Variants in KIF26B observed in about 807,000 individuals in gnomAD.
KIF26B encodes the protein kinesin-like protein KIF26B.
Under a neutral mutation model 151.2 loss-of-function variants are expected in KIF26B, and 63 were observed. The observed-to-expected ratio is 0.42, with a 90% CI of 0.34 to 0.51. KIF26B has a LOEUF of 0.51. Among genes scored for constraint, KIF26B ranks in the 20% least tolerant of loss-of-function variants. The probability of loss-of-function intolerance (pLI) is 0.07; values close to 1 mark genes in which losing one functional copy is unlikely to be tolerated. For synonymous variants in KIF26B, 1,357 were observed against 1,262.1 expected (o/e 1.08, Z -1.59); for missense variants, 2,813 against 2,913.6 (o/e 0.97, Z 0.79).
chr1:245,353,447 G>A (rs181376422), intron 2 of KIF26B, among the ~76,000 whole-genome samples: 11 of 152,298 alleles, frequency 7.2e-5, no homozygotes, highest in East Asian at 1.9e-4. Context: ...GTGGAGGGGC[G>A]GTAGGGGTGG....
At chr1:245,413,236 T>C (rs1674330559) in intron 3 of KIF26B, among the ~76,000 whole-genome samples, 1 of 152,220 alleles carries the variant, frequency 6.6e-6, no homozygotes, top group African/African-American at 2.4e-5. Context: ...ACTAGCACTG[T>C]AGGGTTTTCA....
intron 10 of KIF26B, among the ~76,000 whole-genome samples, chr1:245,675,441 T>C (rs2044346773): frequency 6.6e-6 from 1 of 152,150 alleles, no homozygotes; most frequent in Non-Finnish European, 1.5e-5. Flanking sequence ...TAAGATCTTA[T>C]GTGGCCAACC....
chr1:245,392,650 T>C (rs563798987), intron 3 of KIF26B, among the ~76,000 whole-genome samples: 188 of 152,290 alleles, frequency 1.2e-3, no homozygotes, highest in African/African-American at 4.5e-3. Flanking sequence ...TGCCCGTTCC[T>C]CTCCTGAAGC....
At chr1:245,376,390 T>C (rs1390259695) in intron 3 of KIF26B, among the ~76,000 whole-genome samples, 3 of 151,954 alleles carry the variant, frequency 2.0e-5, no homozygotes, top group Admixed American at 6.6e-5. Flanking sequence ...GAATTCTCAA[T>C]TTTGGCTTCA....
At chr1:245,614,215 C>A (rs1190344758) in intron 9 of KIF26B, among the ~76,000 whole-genome samples, 1 of 152,186 alleles carries the variant, frequency 6.6e-6, no homozygotes, top group African/African-American at 2.4e-5. Flanking sequence ...CACTCTGTTG[C>A]CCAGGCTGGA....
At chr1:245,361,870 A>G (rs1456697956) in intron 2 of KIF26B, among the ~76,000 whole-genome samples, 1 of 151,962 alleles carries the variant, frequency 6.6e-6, no homozygotes, top group Non-Finnish European at 1.5e-5. Context: ...TGGGGACTTT[A>G]GTCCATGCAC....
At chr1:245,209,399 T>TA (rs1273812241) in intron 2 of KIF26B, among the ~76,000 whole-genome samples, 2 of 146,856 alleles carry the variant, frequency 1.4e-5, no homozygotes, top group Admixed American at 6.8e-5. Flanking sequence ...AGACTACATC[T>TA]AAAAAAAATA....
At chr1:245,290,061 A>G (rs957799187) in intron 2 of KIF26B, among the ~76,000 whole-genome samples, 3 of 152,038 alleles carry the variant, frequency 2.0e-5, no homozygotes, top group Non-Finnish European at 2.9e-5. Context: ...AGAATTGCCT[A>G]TTTATTGTCT....
In KIF26B at chr1:245,619,731, A is replaced by G. The variant is rs138471051; in HGVS notation, c.2098+7755A>G. ...AGTTCAAGACCAGCGTGGCCAACGTAGTGAAACCTCGTCTCTACTAAAAAT... is the reference window on the plus strand; with the variant it reads ...AGTTCAAGACCAGCGTGGCCAACGTGGTGAAACCTCGTCTCTACTAAAAAT... On this transcript the variant is annotated intron_variant, in intron 9 of 14. Coordinates refer to ENST00000407071, the MANE Select transcript of KIF26B (RefSeq NM_018012.4). Among the ~76,000 whole-genome samples, 34 of 151,516 alleles carry G rather than the reference A, an allele frequency of 2.2e-4. No individual in the cohort carries two copies. The East Asian group carries it at 6.6e-3, about 30-fold the overall frequency.
chr1:245,706,092 A>G lies in KIF26B; in HGVS notation c.*3486A>G, dbSNP rs1172018914. ...CAGGCATCGCAGCGTGGGGAATTAG[A>G]CAGGCAGGAATCTGGCCTGGTTTGT... On this transcript the variant is annotated 3_prime_UTR_variant, in exon 15 of 15. Transcript: ENST00000407071. 6.6e-6 allele frequency: 1 copy of G among 152,214 alleles called. No individual in the cohort carries two copies. The highest frequency in any genetic ancestry group is 2.4e-5 in the African/African-American group (1 of 41,460). The allele number at this position is 152,214 out of a possible 1,614,324, so 9.4% of individuals were successfully genotyped here. A position where few individuals can be genotyped will look rare whatever the true frequency, so the allele number is the denominator to read the frequency against.
At chr1:245,165,035 C>T (rs1668592479) in intron 2 of KIF26B, among the ~76,000 whole-genome samples, 1 of 151,594 alleles carries the variant, frequency 6.6e-6, no homozygotes, top group African/African-American at 2.4e-5. Context: ...GATGCCACTG[C>T]ACTCCAGCGT....
chr1:245,509,219 A>G (rs1660782854), intron 4 of KIF26B, among the ~76,000 whole-genome samples: 1 of 152,260 alleles, frequency 6.6e-6, no homozygotes, highest in South Asian at 2.1e-4. Flanking sequence ...GAAACCAGCC[A>G]ATAAAGAAGG....
intron 12 of KIF26B, among the ~76,000 whole-genome samples, chr1:245,696,976 T>G (rs1251043727): frequency 6.6e-6 from 1 of 152,152 alleles, no homozygotes; most frequent in Non-Finnish European, 1.5e-5. Flanking sequence ...CCGTGCGTGG[T>G]AGCGGGCGCC....
rs576707308 is a variant in KIF26B, at chr1:245,699,742, C to T, written c.6178+705C>T. 3.3e-5 allele frequency among the ~76,000 whole-genome samples: 5 copies of T among 152,308 alleles called. No homozygotes were observed. In the East Asian group the frequency reaches 7.7e-4, roughly 24 times the overall value. On this transcript the variant is annotated intron_variant, in intron 14 of 14. Transcript: ENST00000407071. ...TCTGTGGGGTGAAATACATTCCTGCCATTCAAGTTCCCTCTGCCTCCCCTT... is the reference window on the plus strand; with the variant it reads ...TCTGTGGGGTGAAATACATTCCTGCTATTCAAGTTCCCTCTGCCTCCCCTT...
intron 4 of KIF26B, among the ~76,000 whole-genome samples, chr1:245,507,917 T>C (rs1334061527): frequency 2.6e-5 from 4 of 152,212 alleles, no homozygotes. Context: ...TCCACCTCTG[T>C]TTCACCAAGT....
chr1:245,662,588 CAATGA>C (rs1558257557), intron 10 of KIF26B, among the ~76,000 whole-genome samples: 1,597 of 127,450 alleles, frequency 0.013, 203 homozygotes, highest in African/African-American at 0.015. Flanking sequence ...TATATACACC[CAATGA>C]TATATACACA....
chr1:245,308,752 C>T (rs1398766913), intron 2 of KIF26B, among the ~76,000 whole-genome samples: 1 of 151,844 alleles, frequency 6.6e-6, no homozygotes, highest in Non-Finnish European at 1.5e-5. Flanking sequence ...CAAGACAAAA[C>T]AAAAACATGA....
At chr1:245,364,928 G>A (rs1380339418) in intron 2 of KIF26B, among the ~76,000 whole-genome samples, 2 of 152,294 alleles carry the variant, frequency 1.3e-5, no homozygotes, top group South Asian at 4.1e-4. Flanking sequence ...CCGTTTGAAT[G>A]AATGAACATT....
chr1:245,612,044 A>G (rs2043529216), intron 9 of KIF26B, 68 bp downstream of exon 9: 4 of 1,312,608 alleles, frequency 3.0e-6, no homozygotes, highest in Non-Finnish European at 4.3e-6. Flanking sequence ...CCCTTGGGCA[A>G]CCATGACCTT....
Sources: allele counts gnomAD v4.1 joint callset (sites outside exome capture counted in the v4.1 genomes callset), GRCh38; gene constraint gnomAD v4.1.1; transcripts MANE v1.5; gene names NCBI Gene and HGNC (gene_info 2026-07-23, HGNC 2026-07-21).